PGAP6: variants seen among roughly 807,000 people sequenced by gnomAD.
PGAP6 encodes post-GPI attachment to proteins factor 6.
PGAP6 carries 62 observed loss-of-function variants against 68.4 expected under a neutral mutation model. The ratio of observed to expected loss-of-function variants is 0.91; its 90% CI spans 0.74 to 1.12. The LOEUF is 1.12. Among genes scored for constraint, PGAP6 ranks in the 50% most tolerant of loss-of-function variants. The pLI is 0.00. For synonymous variants in PGAP6, 575 were observed against 474.0 expected, an observed-to-expected ratio of 1.21 and a Z score of -2.77; for missense variants, 1,188 against 1,068.5, an observed-to-expected ratio of 1.11 and a Z score of -1.56.
rs200342714 is a variant in PGAP6 at position 376,287 on chromosome 16, C to T, written c.1073G>A (p.Arg358Gln). 2.2e-5 allele frequency: 36 copies of T among 1,612,850 alleles called. No homozygotes were observed. The South Asian group carries it at 2.3e-4, about 10-fold the overall frequency. The change falls in exon 6 of 13, where the codon CGG (arginine) becomes CAG (glutamine). Residue 358 changes from arginine to glutamine, a missense_variant. Coordinates refer to ENST00000431232, the MANE Select transcript of PGAP6 (RefSeq NM_021259.3). ...PFCLTNYPVT[R>Q]EDMDVVSVHF... Reference sequence around the variant, plus strand: ...CACCGACACCACGTCCATGTCCTCCCGCGTGACTGGGTAGTTTGTGAGGCA... The same window carrying T: ...CACCGACACCACGTCCATGTCCTCCTGCGTGACTGGGTAGTTTGTGAGGCA...
Position 374,772 on chromosome 16 carries a change from G to C in PGAP6, c.1560C>G (p.Ser520Arg). 1.2e-6 allele frequency: 2 copies of C among 1,612,698 alleles called. No homozygotes were observed. Among genetic ancestry groups the C allele is most frequent in the African/African-American group, 2.7e-5 (2 of 75,058 alleles). Residue 520 changes from serine to arginine, a missense_variant, in exon 9 of 13, where the codon AGC becomes AGG. Ser to Arg is a moderately radical substitution (Grantham distance 110). Coordinates refer to ENST00000431232, the MANE Select transcript of PGAP6 (RefSeq NM_021259.3). Reference sequence around the variant, plus strand: ...GGCACTCACCTGCCTTGCAGCTGCAGCTGGCATACAGGTAGCTGTGTCTGC... The same window carrying C: ...GGCACTCACCTGCCTTGCAGCTGCACCTGGCATACAGGTAGCTGTGTCTGC... ...LLRRHSYLYA[S>R]CSCKAGWRGW...
chr16:383,709 A>C (rs192754659), upstream of PGAP6, among the ~76,000 whole-genome samples: 1 of 152,378 alleles, frequency 6.6e-6, no homozygotes, highest in East Asian at 1.9e-4. Context: ...TGTGTGTCAA[A>C]GGCATCGAAT....
At position 375,124 on chromosome 16, in the gene PGAP6, TTTAC is replaced by T. The variant is rs752287428; in HGVS notation, c.1439+5_1439+8del. 6.2e-7 allele frequency: 1 copy of T among 1,612,854 alleles called. No individual in the cohort carries two copies. The highest frequency in any genetic ancestry group is 1.7e-5 in the Admixed American group (1 of 59,950). On this transcript the variant is annotated splice_donor_5th_base_variant and intron_variant, in intron 8 of 12. Transcript: ENST00000431232. ...GCCTGGCCCCCGTCTCTGCCCTAGG[TTTAC>T]TTACTCAGCATTCTCAGGGCACATG...
intron 9 of PGAP6, 86 bp downstream of exon 9, chr16:374,670 C>G: frequency 6.5e-7 from 1 of 1,549,920 alleles, no homozygotes; most frequent in Non-Finnish European, 8.7e-7. Flanking sequence ...CAGCCCCTTG[C>G]GGCGCTCCCC....
Position 377,479 on chromosome 16 carries a change from T to G in PGAP6, c.406A>C (p.Thr136Pro), listed in dbSNP as rs11248931. The change falls in exon 3 of 13, where the codon ACA becomes CCA. Residue 136 changes from threonine to proline, a missense_variant. Thr to Pro is a conservative substitution (Grantham distance 38, BLOSUM62 -1). Transcript: ENST00000431232. ...SFQVGVPLST[T>P]PRSNASVNVS... ...TTGACGGAGGCATTGCTTCTCGGTG[T>G]GGTGCTCAGCGGCACCCCGACCTGG... The G allele has an allele frequency of 6.2e-7, 1 of 1,608,068 alleles. No individual in the cohort carries two copies. The highest frequency in any genetic ancestry group is 8.5e-7 in the Non-Finnish European group (1 of 1,177,852).
At chr16:376,490 G>A (rs773928721) in intron 5 of PGAP6, 35 bp from the exon 6 acceptor site, 14 of 1,546,176 alleles carry the variant, frequency 9.1e-6, no homozygotes, top group East Asian at 2.3e-5. Context: ...CTGGAGGAAA[G>A]TCTGGGGATC....
intron 1 of PGAP6, among the ~76,000 whole-genome samples, chr16:379,731 C>G (rs1316045514): frequency 1.3e-5 from 2 of 152,212 alleles, no homozygotes; most frequent in East Asian, 3.9e-4. Context: ...GAGATCTGTT[C>G]AAGGTTGTCC....
rs531846854 is a variant in PGAP6 at position 377,573 on chromosome 16, G to A, written c.312C>T (p.Ser104=). The change falls in exon 3 of 13, where the codon TCC becomes TCT. Residue 104 remains serine, a synonymous_variant. Transcript: ENST00000431232. ...TDAEITVHFR[S]GAPPVINPLG... is the part of the protein sequence containing the mutation. Reference sequence around the variant, plus strand: ...GCGGGTTGATGACCGGAGGGGCGCCGGAACGGAAGTGCCTGGAGACGGGAG... The same window carrying A: ...GCGGGTTGATGACCGGAGGGGCGCCAGAACGGAAGTGCCTGGAGACGGGAG... The A allele has an allele frequency of 1.8e-5, 29 of 1,577,462 alleles. No individual in the cohort carries two copies. The South Asian group carries it at 2.2e-4, about 12-fold the overall frequency.
At chr16:373,809 A>G (rs117037628) in intron 11 of PGAP6, among the ~76,000 whole-genome samples, 196 bp downstream of exon 11, 83,007 of 151,688 alleles carry the variant, frequency 0.55, 23,052 homozygotes, top group South Asian at 0.67. Context: ...ATGCTCGGCC[A>G]AGGCATTACA....
At position 376,185 on chromosome 16, in the gene PGAP6, G is replaced by C. The variant is rs2054380754; in HGVS notation, c.1175C>G (p.Thr392Ser). The C allele has an allele frequency of 1.9e-6, 3 of 1,612,112 alleles. No homozygotes were observed. The highest frequency in any genetic ancestry group is 2.7e-5 in the African/African-American group (2 of 74,944). Residue 392 changes from threonine to serine, a missense_variant, in exon 6 of 13, where the codon ACC becomes AGC. Physicochemically the swap from Thr to Ser is moderately conservative, Grantham distance 58. Coordinates refer to ENST00000431232, the MANE Select transcript of PGAP6 (RefSeq NM_021259.3). ...TPSVMRLRLNTGMDSGGSLTI... is the reference protein window; with the variant it reads ...TPSVMRLRLNSGMDSGGSLTI... ...GAGGGAACCCCCGCTGTCCATGCCG[G>C]TGTTCAGGCGCAGCCGCATCACGGA...
At chr16:386,823 G>C (rs571361787), upstream of PGAP6, 4 of 682,158 alleles carry the variant, frequency 5.9e-6, no homozygotes, top group South Asian at 2.7e-5. Flanking sequence ...CAAAGCGAAG[G>C]CTTTAAAGGC....
chr16:375,012 C>T, intron 8 of PGAP6, 120 bp from the exon 9 acceptor site: 1 of 1,575,366 alleles, frequency 6.3e-7, no homozygotes, highest in Non-Finnish European at 8.6e-7. Context: ...CTTTCAGCAG[C>T]CCTGGAGGAA....
intron 1 of PGAP6, 72 bp downstream of exon 1, chr16:381,629 G>T: frequency 9.0e-7 from 1 of 1,112,566 alleles, no homozygotes; most frequent in South Asian, 4.3e-5. Flanking sequence ...AGGTGCGCCC[G>T]GGGTGTCACA....
chr16:385,664 G>A (rs138010367), upstream of PGAP6, among the ~76,000 whole-genome samples: 154 of 105,272 alleles, frequency 1.5e-3, no homozygotes, highest in African/African-American at 5.5e-3. Flanking sequence ...TCGCTCTGTC[G>A]CCCAGGCTGG....
intron 11 of PGAP6, 87 bp from the exon 12 acceptor site, chr16:372,814 C>A: frequency 1.1e-6 from 1 of 907,460 alleles, no homozygotes; most frequent in Non-Finnish European, 1.7e-6. Context: ...CCCCACAGCA[C>A]CTCTGCCTGC....
chr16:381,886 G>A lies in PGAP6; in HGVS notation c.-65C>T, dbSNP rs1353202427. 15 of 973,984 alleles carry A rather than the reference G, an allele frequency of 1.5e-5. No homozygotes were observed. Among genetic ancestry groups the A allele is most frequent in the African/African-American group, 1.8e-5 (1 of 55,936 alleles). The allele number at this position is 973,984 out of a possible 1,614,324, so 60.3% of individuals were successfully genotyped here. On this transcript the variant is annotated 5_prime_UTR_variant, in exon 1 of 13. Coordinates refer to ENST00000431232, the MANE Select transcript of PGAP6 (RefSeq NM_021259.3). ...GCGCCGCCGGCCCCCGCCGCCGCCC[G>A]GGCAGCCTCTGCCGCCTCCGCCTCT... is the stretch of plus-strand genomic sequence containing the variant.
intron 6 of PGAP6, among the ~76,000 whole-genome samples, 187 bp downstream of exon 6, chr16:375,949 G>T (rs1435721185): frequency 6.6e-6 from 1 of 152,214 alleles, no homozygotes. Flanking sequence ...CACAGCCCCG[G>T]GGCCTGTTGA....
At chr16:373,232 C>T (rs2054350445) in intron 11 of PGAP6, among the ~76,000 whole-genome samples, 1 of 152,232 alleles carries the variant, frequency 6.6e-6, no homozygotes, top group Non-Finnish European at 1.5e-5. Flanking sequence ...TCTGCCCTGG[C>T]TGTGGGGCTC....
chr16:371,698 C>A lies in PGAP6; in HGVS notation c.*289G>T. On this transcript the variant is annotated 3_prime_UTR_variant, in exon 13 of 13. Coordinates refer to ENST00000431232, the MANE Select transcript of PGAP6 (RefSeq NM_021259.3). ...AGGCCAGCAGAGCACACAGCCCCAC[C>A]CTCGCACAGGCACCTGTGGTCTCCA... 2.4e-6 allele frequency: 1 copy of A among 424,858 alleles called. No homozygotes were observed. Among genetic ancestry groups the A allele is most frequent in the Non-Finnish European group, 4.4e-6 (1 of 229,394 alleles). The allele number at this position is 424,858 out of a possible 1,614,324, so 26.3% of individuals were successfully genotyped here. A position where few individuals can be genotyped will look rare whatever the true frequency, so the allele number is the denominator to read the frequency against.
Sources: gnomAD v4.1 joint callset for allele counts (sites outside exome capture counted in the v4.1 genomes callset) on GRCh38, gnomAD v4.1.1 for gene constraint, MANE v1.5 for transcripts, NCBI Gene and HGNC (gene_info 2026-07-23, HGNC 2026-07-21) for gene names.